The following MCM3AP variants were observed in gnomAD, a reference collection of about 807,000 sequenced individuals.
MCM3AP encodes minichromosome maintenance complex component 3 associated protein.
In MCM3AP, 126 loss-of-function variants were observed where a neutral mutation model predicts 184.1. The ratio of observed to expected loss-of-function variants is 0.68; its 90% CI spans 0.59 to 0.79. The LOEUF is 0.79. MCM3AP is among the 30% of genes least tolerant of loss of function. The pLI is 0.00. For missense variants in MCM3AP, 2,496 were observed against 2,479.2 expected (o/e 1.01, Z -0.14); for synonymous variants, 1,002 against 979.3 (o/e 1.02, Z -0.43).
intron 15 of MCM3AP, among the ~76,000 whole-genome samples, chr21:46,259,630 C>T (rs1319436617): frequency 1.3e-5 from 2 of 151,654 alleles, no homozygotes; most frequent in African/African-American, 2.4e-5. Context: ...AATTAGCTGG[C>T]GGCCAGGCAC....
At chr21:46,243,826 C>A in intron 23 of MCM3AP, 104 bp from the exon 24 acceptor site, 1 of 1,226,842 alleles carries the variant, frequency 8.2e-7, no homozygotes, top group South Asian at 1.5e-5. Flanking sequence ...GTTGAGAAGT[C>A]TGCTTTCTAA....
chr21:46,264,119 C>T lies in MCM3AP; in HGVS notation c.3333G>A (p.Leu1111=). The T allele has an allele frequency of 5.0e-6, 8 of 1,612,132 alleles. No individual in the cohort carries two copies. Among genetic ancestry groups the T allele is most frequent in the Non-Finnish European group, 6.8e-6 (8 of 1,178,452 alleles). Residue 1111 remains leucine (L), a splice_region_variant and synonymous_variant, in exon 13 of 28, where the codon CTG becomes CTA. Coordinates refer to ENST00000291688, the MANE Select transcript of MCM3AP (RefSeq NM_003906.5). ...SAGAAYAAAA[L]GVSNAAMEDL... is the part of the protein sequence containing the mutation. The stretch of plus-strand genomic sequence containing the variant: ...GGGGAGCACGAGATGCCACTCACCC[C>T]AGGGCGGCAGCTGCGTAGGCAGCAC...
chr21:46,273,607 A>G, intron 6 of MCM3AP, 22 bp from the exon 7 acceptor site: 1 of 1,608,662 alleles, frequency 6.2e-7, no homozygotes, highest in East Asian at 2.2e-5. Flanking sequence ...AAGCCGAGAC[A>G]GGATGCCCAT....
At chr21:46,238,251 T>C (rs2080585318) in intron 26 of MCM3AP, among the ~76,000 whole-genome samples, 1 of 121,024 alleles carries the variant, frequency 8.3e-6, no homozygotes, top group African/African-American at 3.3e-5. Context: ...GTTTGGCTTA[T>C]CTTATTTAAT....
rs568582881 is a variant in MCM3AP at position 46,285,325 on chromosome 21, T to C, written c.-39A>G. On this transcript the variant is annotated 5_prime_UTR_variant, in exon 1 of 28. Transcript: ENST00000291688. ...TATTAGAAGGTAATTAAGTATTATG[T>C]GTACAAAATTAATTGGCTTCCTGAA... 36 of 1,402,038 alleles carry C rather than the reference T, an allele frequency of 2.6e-5. No individual in the cohort carries two copies. Among genetic ancestry groups the C allele is most frequent in the Middle Eastern group, 3.6e-4 (2 of 5,552 alleles). The allele number at this position is 1,402,038 out of a possible 1,614,324, so 86.8% of individuals were successfully genotyped here.
At chr21:46,264,541 C>A (rs945236202) in intron 12 of MCM3AP, among the ~76,000 whole-genome samples, 9 of 152,152 alleles carry the variant, frequency 5.9e-5, no homozygotes, top group Non-Finnish European at 1.0e-4. Flanking sequence ...CAGTGCCTGC[C>A]CCGAAGCAGC....
intron 24 of MCM3AP, 82 bp downstream of exon 24, chr21:46,243,383 T>C (rs2080706406): frequency 1.4e-6 from 2 of 1,471,264 alleles, no homozygotes; most frequent in Non-Finnish European, 9.1e-7. Context: ...AGCAGCAACA[T>C]CAACTAAACA....
intron 15 of MCM3AP, among the ~76,000 whole-genome samples, chr21:46,259,678 C>T (rs1464279700): frequency 6.6e-6 from 1 of 151,814 alleles, no homozygotes; most frequent in Non-Finnish European, 1.5e-5. Context: ...TTTGGGAGGC[C>T]AGGGCAGGCG....
chr21:46,282,006 C>G (rs1353232239), intron 2 of MCM3AP, among the ~76,000 whole-genome samples: 1 of 151,890 alleles, frequency 6.6e-6, no homozygotes, highest in Non-Finnish European at 1.5e-5. Context: ...TCAAAAACAA[C>G]AACAACAAAA....
Position 46,260,854 on chromosome 21 carries a change from C to A in MCM3AP, c.3520G>T (p.Val1174Leu), listed in dbSNP as rs530408965. 3 of 1,614,044 alleles carry A rather than the reference C, an allele frequency of 1.9e-6. No homozygotes were observed. The highest frequency in any genetic ancestry group is 2.7e-5 in the African/African-American group (2 of 74,914). ...VLSELSQGLA[V>L]ELMERVMMEF... ...ATCATCACGCGTTCCATCAGCTCCA[C>A]GGCCAGGCCCTGGCTCAGCTCACTT... The change falls in exon 15 of 28, where the codon GTG (valine) becomes TTG (leucine). Residue 1174 changes from valine to leucine, a missense_variant. Coordinates refer to ENST00000291688, the MANE Select transcript of MCM3AP (RefSeq NM_003906.5).
intron 20 of MCM3AP, 70 bp from the exon 21 acceptor site, chr21:46,246,956 G>A (rs2080783515): frequency 3.3e-6 from 5 of 1,533,758 alleles, no homozygotes; most frequent in Non-Finnish European, 3.6e-6. Context: ...ATCTGCCCCA[G>A]AGCAAGTGCA....
intron 20 of MCM3AP, chr21:46,249,690 T>C: frequency 2.4e-6 from 1 of 420,068 alleles, no homozygotes; most frequent in Non-Finnish European, 4.7e-6. Flanking sequence ...CAAGAAAAAA[T>C]ACTGCAGCTG....
At chr21:46,238,083 G>T in intron 26 of MCM3AP, among the ~76,000 whole-genome samples, 1 of 81,418 alleles carries the variant, frequency 1.2e-5, no homozygotes, top group Non-Finnish European at 2.3e-5. Context: ...AGGGCAACAA[G>T]AGCAAAACTC....
At position 46,236,622 on chromosome 21, in the gene MCM3AP, CTTCA is replaced by C. The variant is rs2080530421; in HGVS notation, c.5784+203_5784+206del. Among the ~76,000 whole-genome samples the C allele has an allele frequency of 2.0e-5, 3 of 152,184 alleles. No homozygotes were observed. The South Asian group carries it at 6.2e-4, about 32-fold the overall frequency. ...TTCTTAAGAATATTTCAATTCTATT[CTTCA>C]TTTATTTCGTAGGCAGAAACTCAAA... is the stretch of plus-strand genomic sequence containing the variant. On this transcript the variant is annotated intron_variant, in intron 27 of 27. Transcript: ENST00000291688.
intron 22 of MCM3AP, 46 bp downstream of exon 22, chr21:46,246,261 A>T (rs2080766701): frequency 7.8e-7 from 1 of 1,285,432 alleles, no homozygotes; most frequent in Non-Finnish European, 1.1e-6. Context: ...CAAAAGGGGA[A>T]AAAACAAAAT....
At chr21:46,249,666 A>G (rs1273971479) in intron 20 of MCM3AP, 8 of 436,478 alleles carry the variant, frequency 1.8e-5, no homozygotes. Context: ...ATAACATCCA[A>G]CAAGGGGCTG....
Position 46,284,168 on chromosome 21 carries a change from G to C in MCM3AP, c.1119C>G (p.Asp373Glu), listed in dbSNP as rs764544866. ...GATTCCCTCCTGGGATAGCCATGTG[G>C]TCACTTTCTGCAGACTCAACAAAGC... ...ETGFVESAES[D>E]HMAIPGGNQS... The change falls in exon 1 of 28, where the codon GAC becomes GAG. Residue 373 changes from aspartate (D) to glutamate (E), a missense_variant. Asp to Glu is a conservative substitution (Grantham distance 45). This residue lies in a region of MCM3AP where 800 missense variants were observed against 717.1 expected (regional missense o/e 1.12). Coordinates refer to ENST00000291688, the MANE Select transcript of MCM3AP (RefSeq NM_003906.5). 2.5e-6 allele frequency: 4 copies of C among 1,614,188 alleles called. No homozygotes were observed. In the South Asian group the frequency reaches 4.4e-5, roughly 18 times the overall value.
At position 46,241,191 on chromosome 21, in the gene MCM3AP, A is replaced by G. The variant is rs527741297; in HGVS notation, c.5427-174T>C. On this transcript the variant is annotated intron_variant, in intron 25 of 27. Coordinates refer to ENST00000291688, the MANE Select transcript of MCM3AP (RefSeq NM_003906.5). The stretch of plus-strand genomic sequence containing the variant: ...GCCCCATGCCTGCTTCCAAGCTTCC[A>G]TCAAGTCAGGGAGTGGAGCAAAGAG... 233 of 609,262 alleles carry G rather than the reference A, an allele frequency of 3.8e-4. 1 individual carries two copies. Among genetic ancestry groups the G allele is most frequent in the South Asian group, 3.3e-3 (171 of 51,836 alleles). 37.7% of individuals were successfully genotyped at this position (609,262 alleles called of 1,614,324 possible). A position where few individuals can be genotyped will look rare whatever the true frequency, so the allele number is the denominator to read the frequency against.
chr21:46,236,117 T>C (rs1440656189), intron 27 of MCM3AP: 7 of 152,240 alleles, frequency 4.6e-5, no homozygotes, highest in Admixed American at 3.9e-4. Context: ...CAGAATTCTT[T>C]AGGTTAGAAT....
Sources: gnomAD v4.1 joint callset for allele counts (sites outside exome capture counted in the v4.1 genomes callset) on GRCh38, gnomAD v4.1.1 for gene constraint, gnomAD v4.1.1 regional missense constraint, MANE v1.5 for transcripts, NCBI Gene and HGNC (gene_info 2026-07-23, HGNC 2026-07-21) for gene names.